The following NFIB variants were observed in gnomAD, a reference collection of about 807,000 sequenced individuals.
The protein encoded by NFIB is nuclear factor I B, also known as nuclear factor 1 B-type.
NFIB carries 11 observed loss-of-function variants against 61.5 expected under a neutral mutation model. That is an observed-to-expected ratio of 0.18 (90% CI 0.11 to 0.30). The LOEUF (loss-of-function observed/expected upper bound fraction) is 0.30, where lower values mean the gene tolerates loss of function less well. Ranked by LOEUF, NFIB falls within the 10% of genes least tolerant of loss-of-function variation. The pLI, the probability that NFIB is intolerant of heterozygous loss-of-function variation, is 1.00. For synonymous variants in NFIB, 260 were observed against 216.5 expected (o/e 1.20, Z -1.76); for missense variants, 471 against 608.9 (o/e 0.77, Z 2.38).
upstream of NFIB, among the ~76,000 whole-genome samples, chr9:14,315,213 G>A (rs950709601): frequency 1.3e-5 from 2 of 151,614 alleles, no homozygotes; most frequent in Admixed American, 6.6e-5. Flanking sequence ...ATAGGGAGGG[G>A]GTGCGGGTTC....
the NFIB span, among the ~76,000 whole-genome samples, chr9:14,442,711 T>C: frequency 6.6e-6 from 1 of 152,188 alleles, no homozygotes; most frequent in African/African-American, 2.4e-5. Context: ...GATAGGACAC[T>C]AGTTCTATAA....
At chr9:14,272,206 A>T (rs1347835536) in intron 2 of NFIB, among the ~76,000 whole-genome samples, 1 of 152,060 alleles carries the variant, frequency 6.6e-6, no homozygotes, top group African/African-American at 2.4e-5. Flanking sequence ...TCCCCCACAT[A>T]TTTCTGGAAC....
intron 2 of NFIB, among the ~76,000 whole-genome samples, chr9:14,248,949 A>G (rs919217371): frequency 2.6e-5 from 4 of 152,214 alleles, no homozygotes; most frequent in Admixed American, 2.6e-4. Context: ...CATCATTTGA[A>G]CACCTGAATC....
At chr9:14,466,867 C>T in the NFIB span, among the ~76,000 whole-genome samples, 1 of 152,088 alleles carries the variant, frequency 6.6e-6, no homozygotes, top group African/African-American at 2.4e-5. Flanking sequence ...GGCTTTTAGC[C>T]CCACTGAAAG....
chr9:14,275,473 C>G (rs538440209), intron 2 of NFIB, among the ~76,000 whole-genome samples: 2 of 152,210 alleles, frequency 1.3e-5, no homozygotes, highest in African/African-American at 2.4e-5. Context: ...TGCACGGCGC[C>G]ATGGTTAGGA....
intron 1 of NFIB, among the ~76,000 whole-genome samples, chr9:14,320,203 A>G (rs1379070785): frequency 2.6e-5 from 4 of 152,236 alleles, no homozygotes; most frequent in Non-Finnish European, 5.9e-5. Context: ...CTTGTATGGA[A>G]CACTCAGCTA....
chr9:14,305,631 TA>T (rs2059978356), intron 2 of NFIB: 1 of 163,528 alleles, frequency 6.1e-6, no homozygotes, highest in African/African-American at 2.4e-5. Flanking sequence ...CCAACACCAT[TA>T]TTTAAAATCA....
the NFIB span, among the ~76,000 whole-genome samples, chr9:14,442,612 T>C: frequency 0.012 from 1,840 of 152,158 alleles, 35 homozygotes; most frequent in African/African-American, 0.041. Flanking sequence ...TTGCTGGTAA[T>C]CTTTGGCGGT....
At chr9:14,495,666 T>C in the NFIB span, among the ~76,000 whole-genome samples, 4 of 152,080 alleles carry the variant, frequency 2.6e-5, no homozygotes, top group South Asian at 4.2e-4. Flanking sequence ...TAAGAAGGTC[T>C]GCTTGAACCA....
At chr9:14,440,676 C>T in the NFIB span, among the ~76,000 whole-genome samples, 13 of 152,176 alleles carry the variant, frequency 8.5e-5, no homozygotes, top group African/African-American at 2.9e-4. Flanking sequence ...CCCCTGATAA[C>T]AATGCCTCAG....
intron 2 of NFIB, among the ~76,000 whole-genome samples, chr9:14,283,692 C>T (rs766628401): frequency 8.1e-4 from 123 of 152,258 alleles, no homozygotes; most frequent in East Asian, 9.7e-4. Flanking sequence ...CGTTAGGGAG[C>T]AAATATATAA....
intron 2 of NFIB, among the ~76,000 whole-genome samples, chr9:14,214,008 C>T (rs1050713064): frequency 6.6e-6 from 1 of 152,178 alleles, no homozygotes; most frequent in African/African-American, 2.4e-5. Context: ...TCGATGCCAC[C>T]TTCGGGCTAT....
chr9:14,420,666 G>A, the NFIB span, among the ~76,000 whole-genome samples: 8 of 152,172 alleles, frequency 5.3e-5, no homozygotes, highest in East Asian at 1.5e-3. Context: ...TAGAAAGGAA[G>A]AGAAGAATCC....
At chr9:14,434,353 C>T in the NFIB span, among the ~76,000 whole-genome samples, 2 of 152,152 alleles carry the variant, frequency 1.3e-5, no homozygotes, top group African/African-American at 4.8e-5. Context: ...TTTCCCACCC[C>T]AACCACCACC....
chr9:14,269,530 G>A (rs1205176882), intron 2 of NFIB, among the ~76,000 whole-genome samples: 1 of 152,158 alleles, frequency 6.6e-6, no homozygotes, highest in Non-Finnish European at 1.5e-5. Flanking sequence ...TCAGGCTATT[G>A]AGCGATAAAG....
rs546822018 is a variant in NFIB, at chr9:14,177,584, A to T, written c.616+2143T>A. 1.1e-3 allele frequency among the ~76,000 whole-genome samples: 174 copies of T among 152,234 alleles called. 2 individuals are homozygous for T. The highest frequency in any genetic ancestry group is 4.2e-3 in the African/African-American group (173 of 41,570). On this transcript the variant is annotated intron_variant, in intron 3 of 10. Transcript: ENST00000380953. ...TTCTGGATAATTAAATAAAATTCTA[A>T]TTATATTCCATTTAAGTTGGGTATA...
At chr9:14,401,587 T>C (rs2061743892), upstream of NFIB, among the ~76,000 whole-genome samples, 1 of 152,230 alleles carries the variant, frequency 6.6e-6, no homozygotes. Context: ...AAGTATTCTA[T>C]ATTCCCTTAT....
chr9:14,267,918 A>C (rs987346927), intron 2 of NFIB, among the ~76,000 whole-genome samples: 6 of 152,134 alleles, frequency 3.9e-5, no homozygotes, highest in African/African-American at 1.2e-4. Context: ...AGATCACCTG[A>C]GGTCAGGAGT....
chr9:14,096,027 T>G lies in NFIB; in HGVS notation c.1468-7701A>C, dbSNP rs186244690. On this transcript the variant is annotated intron_variant, in intron 10 of 10. Transcript: ENST00000380953. ...TATTATGATATTTATTCATTCATAG[T>G]CTTTGTTATTTAAGTAAATATGACT... Among the ~76,000 whole-genome samples, 340 of 152,296 alleles carry G rather than the reference T, an allele frequency of 2.2e-3. 3 individuals carry two copies. The highest frequency in any genetic ancestry group is 7.8e-3 in the African/African-American group (325 of 41,560).
Sources: gnomAD v4.1 joint callset for allele counts (sites outside exome capture counted in the v4.1 genomes callset) on GRCh38, gnomAD v4.1.1 for gene constraint, MANE v1.5 for transcripts, NCBI Gene and HGNC (gene_info 2026-07-23, HGNC 2026-07-21) for gene names.